Variants in KMT2C observed in about 807,000 individuals in gnomAD.
The protein encoded by KMT2C is lysine methyltransferase 2C, also known as histone-lysine N-methyltransferase 2C.
In KMT2C, 88 loss-of-function variants were observed where a neutral mutation model predicts 507.9. The ratio of observed to expected loss-of-function variants is 0.17; its 90% confidence interval spans 0.15 to 0.21. KMT2C has a LOEUF of 0.21. KMT2C is among the 10% of genes least tolerant of loss of function. The pLI is 1.00. For missense variants in KMT2C, 4,954 were observed against 5,957.8 expected (o/e 0.83, Z 5.55); for synonymous variants, 2,049 against 2,080.8 (o/e 0.98, Z 0.42).
chr7:152,180,113 C>T lies in KMT2C; in HGVS notation c.7163G>A (p.Arg2388His), dbSNP rs2093381449. 4 of 1,614,132 alleles carry T rather than the reference C, an allele frequency of 2.5e-6. No individual in the cohort carries two copies. The highest frequency in any genetic ancestry group is 3.4e-6 in the Non-Finnish European group (4 of 1,180,020). Reference sequence around the variant, plus strand: ...CTGTTGCTGCTGGAGAATGATTTCACGTAACTTCTGCCGCTAAATGGGAAG... The same window carrying T: ...CTGTTGCTGCTGGAGAATGATTTCATGTAACTTCTGCCGCTAAATGGGAAG... Reference protein sequence around the residue: ...TEKLRQRQKLREIILQQQQQK... With the variant: ...TEKLRQRQKLHEIILQQQQQK... The change falls in exon 37 of 59, where the codon CGT (arginine) becomes CAT (histidine). Residue 2388 changes from arginine to histidine, a missense_variant. Transcript: ENST00000262189.
chr7:152,269,039 C>T (rs770947886), intron 7 of KMT2C, among the ~76,000 whole-genome samples: 1 of 152,072 alleles, frequency 6.6e-6, no homozygotes, highest in South Asian at 2.1e-4. Context: ...CCCAATGTTT[C>T]CTTTTACTCA....
At chr7:152,184,903 C>T (rs994065825) in intron 34 of KMT2C, among the ~76,000 whole-genome samples, 8 of 152,134 alleles carry the variant, frequency 5.3e-5, no homozygotes, top group African/African-American at 1.9e-4. Flanking sequence ...TACAGGCATG[C>T]GCCATCATAC....
At chr7:152,172,539 T>C (rs1249912656) in intron 39 of KMT2C, among the ~76,000 whole-genome samples, 4 of 151,918 alleles carry the variant, frequency 2.6e-5, no homozygotes, top group African/African-American at 2.4e-5. Flanking sequence ...CTACCAAAAA[T>C]ACAAAAATTA....
At chr7:152,213,948 T>C (rs190814634) in intron 23 of KMT2C, among the ~76,000 whole-genome samples, 1 of 152,034 alleles carries the variant, frequency 6.6e-6, no homozygotes. Flanking sequence ...GTCACACAAA[T>C]GGTCAAATGG....
At chr7:152,216,682 A>T (rs2094591628) in intron 23 of KMT2C, among the ~76,000 whole-genome samples, 1 of 152,256 alleles carries the variant, frequency 6.6e-6, no homozygotes, top group African/African-American at 2.4e-5. Flanking sequence ...AGAAAAAGAC[A>T]TGGAAACATT....
chr7:152,189,135 A>G (rs998602569), intron 31 of KMT2C, among the ~76,000 whole-genome samples: 8 of 152,190 alleles, frequency 5.3e-5, no homozygotes, highest in Non-Finnish European at 7.3e-5. Flanking sequence ...TAGGCAAATA[A>G]AAGGACCATC....
intron 1 of KMT2C, among the ~76,000 whole-genome samples, chr7:152,412,231 T>C (rs1488061623): frequency 1.3e-5 from 2 of 152,132 alleles, no homozygotes; most frequent in East Asian, 1.9e-4. Context: ...TGAAACCCGA[T>C]CTCTACTAAA....
chr7:152,229,693 A>G (rs1407014338), intron 18 of KMT2C, among the ~76,000 whole-genome samples: 2 of 152,162 alleles, frequency 1.3e-5, no homozygotes, highest in Non-Finnish European at 2.9e-5. Flanking sequence ...AAATGCATAT[A>G]TTTTTATGTT....
intron 1 of KMT2C, among the ~76,000 whole-genome samples, chr7:152,369,412 TCTGA>T (rs947299666): frequency 1.7e-4 from 25 of 151,360 alleles, no homozygotes; most frequent in Admixed American, 7.9e-4. Flanking sequence ...CAAATCAAAA[TCTGA>T]CTGTTTGTAA....
intron 43 of KMT2C, among the ~76,000 whole-genome samples, chr7:152,160,552 T>C (rs2092383982): frequency 6.6e-6 from 1 of 151,832 alleles, no homozygotes; most frequent in Admixed American, 6.6e-5. Flanking sequence ...AGCTCCCACC[T>C]GATGTGGATG....
At chr7:152,211,843 T>C (rs989005784) in intron 23 of KMT2C, among the ~76,000 whole-genome samples, 2 of 152,018 alleles carry the variant, frequency 1.3e-5, no homozygotes, top group Admixed American at 6.6e-5. Flanking sequence ...GGTCAGGAGA[T>C]AGACACCATC....
chr7:152,427,706 A>T (rs2097832398), intron 1 of KMT2C, among the ~76,000 whole-genome samples: 1 of 152,160 alleles, frequency 6.6e-6, no homozygotes, highest in African/African-American at 2.4e-5. Flanking sequence ...GCAACAAAGC[A>T]TCCTAATCCT....
intron 39 of KMT2C, among the ~76,000 whole-genome samples, chr7:152,171,769 A>T (rs2129108965): frequency 6.6e-6 from 1 of 152,384 alleles, no homozygotes; most frequent in Non-Finnish European, 1.5e-5. Context: ...TTCTCATTCC[A>T]GTCTGTGTTA....
At chr7:152,220,390 A>G (rs2094727949) in intron 23 of KMT2C, 133 bp downstream of exon 23, 8 of 712,964 alleles carry the variant, frequency 1.1e-5, no homozygotes, top group Non-Finnish European at 1.9e-5. Context: ...TGGAAATGGC[A>G]AGGGTCAGTC....
chr7:152,154,257 T>C lies in KMT2C; in HGVS notation c.12139+10A>G. ...TAAAGGGAAATAATAAGGTTAAGTG[T>C]TGTTCTTACTTTTCCCAGCAGTGCT... On this transcript the variant is annotated intron_variant, in intron 47 of 58. Transcript: ENST00000262189. 1 of 1,613,956 alleles carries C rather than the reference T, an allele frequency of 6.2e-7. No individual in the cohort carries two copies. The highest frequency in any genetic ancestry group is 8.5e-7 in the Non-Finnish European group (1 of 1,179,830).
At chr7:152,333,428 A>G (rs1458244838) in intron 2 of KMT2C, among the ~76,000 whole-genome samples, 2 of 152,188 alleles carry the variant, frequency 1.3e-5, no homozygotes, top group Admixed American at 6.5e-5. Context: ...CTCCCAGCCT[A>G]TAAGCTCCTC....
At chr7:152,150,788 C>A in intron 51 of KMT2C, 112 bp downstream of exon 51, 1 of 750,506 alleles carries the variant, frequency 1.3e-6, no homozygotes, top group Non-Finnish European at 2.3e-6. Context: ...CTTTGGATTC[C>A]CCACACAGAG....
chr7:152,376,209 ATC>A (rs1261675614), intron 1 of KMT2C, among the ~76,000 whole-genome samples: 2 of 152,140 alleles, frequency 1.3e-5, no homozygotes, highest in African/African-American at 4.8e-5. Context: ...GCCATTCCCT[ATC>A]TCTCTTTCTC....
intron 1 of KMT2C, chr7:152,367,825 A>C: frequency 1.1e-6 from 1 of 926,176 alleles, no homozygotes; most frequent in Non-Finnish European, 1.8e-6. Context: ...AGCAGGGTGC[A>C]GTGTTGTTTA....
Sources: allele counts gnomAD v4.1 joint callset (sites outside exome capture counted in the v4.1 genomes callset), GRCh38; gene constraint gnomAD v4.1.1; transcripts MANE v1.5; gene names NCBI Gene and HGNC (gene_info 2026-07-23, HGNC 2026-07-21).